ZNF254: variants seen among roughly 807,000 people sequenced by gnomAD.
ZNF254 encodes CTD-2017D11.1.
Under a neutral mutation model 12.4 loss-of-function variants are expected in ZNF254, and 10 were observed. The observed-to-expected ratio is 0.80, with a 90% CI of 0.50 to 1.36. ZNF254 has a LOEUF of 1.36. Among genes scored for constraint, ZNF254 ranks in the 40% most tolerant of loss-of-function variants. The pLI is 0.00. For missense variants in ZNF254, 996 were observed against 763.9 expected, an observed-to-expected ratio of 1.30 and a Z score of -3.58; for synonymous variants, 305 against 253.4, an observed-to-expected ratio of 1.20 and a Z score of -1.93.
At chr19:24,056,327 T>C (rs1174188607) in intron 2 of ZNF254, among the ~76,000 whole-genome samples, 1 of 152,170 alleles carries the variant, frequency 6.6e-6, no homozygotes, top group East Asian at 1.9e-4. Context: ...GACATATATT[T>C]CCATTCATTA....
At chr19:24,049,214 A>ATATATATATATATAT (rs1160333151) in intron 2 of ZNF254, among the ~76,000 whole-genome samples, 4 of 40,866 alleles carry the variant, frequency 9.8e-5, no homozygotes, top group Non-Finnish European at 1.6e-4. Context: ...ATATATATAT[A>ATATATATATATATAT]TTTTTTTTTT....
At chr19:24,090,853 T>C (rs1029618627) in intron 1 of ZNF254, among the ~76,000 whole-genome samples, 1 of 152,062 alleles carries the variant, frequency 6.6e-6, no homozygotes, top group African/African-American at 2.4e-5. Flanking sequence ...TAATAATATA[T>C]TTTATTTGTT....
In ZNF254 at chr19:24,129,170, A is replaced by G. The variant is rs1444801288; in HGVS notation, c.*1190A>G. ...ATGCATGAGGTAGGTGTTCAGAATA[A>G]TATTCCTCTGCATTATTATGAATGA... On this transcript the variant is annotated 3_prime_UTR_variant, in exon 4 of 4. Coordinates refer to ENST00000357002, the MANE Select transcript of ZNF254 (RefSeq NM_203282.4). 1 of 152,022 alleles carries G rather than the reference A, an allele frequency of 6.6e-6. No individual in the cohort carries two copies. Among genetic ancestry groups the G allele is most frequent in the East Asian group, 1.9e-4 (1 of 5,192 alleles). The allele number at this position is 152,022 out of a possible 1,614,324, so 9.4% of individuals were successfully genotyped here. A position where few individuals can be genotyped will look rare whatever the true frequency, so the allele number is the denominator to read the frequency against.
rs1447539218 is a variant in ZNF254, at chr19:24,128,907, A to G, written c.*927A>G. Reference sequence around the variant, plus strand: ...AAAGTACTTTTTTTTGAAAATACAGATTTTTTTTAAAAGTGAATAATGTGT... The same window carrying G: ...AAAGTACTTTTTTTTGAAAATACAGGTTTTTTTTAAAAGTGAATAATGTGT... On this transcript the variant is annotated 3_prime_UTR_variant, in exon 4 of 4. Coordinates refer to ENST00000357002, the MANE Select transcript of ZNF254 (RefSeq NM_203282.4). 2 of 151,918 alleles carry G rather than the reference A, an allele frequency of 1.3e-5. No individual in the cohort carries two copies. The highest frequency in any genetic ancestry group is 1.9e-4 in the East Asian group (1 of 5,186). 9.4% of individuals were successfully genotyped at this position (151,918 alleles called of 1,614,324 possible).
chr19:24,048,860 C>G (rs1970511418), intron 2 of ZNF254: 1 of 152,094 alleles, frequency 6.6e-6, no homozygotes, highest in African/African-American at 2.4e-5. Flanking sequence ...CACCCTGCTT[C>G]CTTAGTAACT....
intron 1 of ZNF254, among the ~76,000 whole-genome samples, chr19:24,045,851 T>C (rs1277842839): frequency 1.3e-5 from 2 of 151,814 alleles, no homozygotes; most frequent in Non-Finnish European, 2.9e-5. Context: ...TTTTAGAATG[T>C]CTCCTTGGGA....
In ZNF254 at chr19:24,061,320, TTCTG is replaced by T. The variant is rs376922605; in HGVS notation, c.-94+15045_-94+15048del. On this transcript the variant is annotated intron_variant, in intron 2 of 4. Transcript: ENST00000613065. ...AACCAGAACTTAGGTGATGTGACTC[TTCTG>T]TCTAACAACCACATATTTTGGTTAT... Among the ~76,000 whole-genome samples the T allele has an allele frequency of 8.2e-4, 125 of 152,372 alleles. 3 individuals are homozygous for T. The South Asian group carries it at 0.02, about 24-fold the overall frequency.
intron 1 of ZNF254, among the ~76,000 whole-genome samples, chr19:24,103,240 G>T (rs1277668229): frequency 1.3e-5 from 2 of 152,204 alleles, no homozygotes; most frequent in Non-Finnish European, 2.9e-5. Flanking sequence ...AGTGCTGAGT[G>T]TAAGGGGCTC....
intron 2 of ZNF254, among the ~76,000 whole-genome samples, chr19:24,047,245 C>T (rs566706603): frequency 3.9e-5 from 6 of 151,964 alleles, no homozygotes; most frequent in South Asian, 4.2e-4. Flanking sequence ...TTTCTCTCTT[C>T]CTTTTTTTTG....
At chr19:24,111,971 A>G (rs1391302927) in intron 3 of ZNF254, among the ~76,000 whole-genome samples, 2 of 151,692 alleles carry the variant, frequency 1.3e-5, no homozygotes, top group Non-Finnish European at 2.9e-5. Context: ...CCATTTCTCA[A>G]TTTTGGCTTT....
intron 3 of ZNF254, among the ~76,000 whole-genome samples, chr19:24,113,109 G>A (rs1973800279): frequency 6.6e-6 from 1 of 152,132 alleles, no homozygotes; most frequent in Non-Finnish European, 1.5e-5. Context: ...GGTGCAAGGA[G>A]GAACTGATAC....
chr19:24,117,039 G>A (rs1181230777), intron 3 of ZNF254, among the ~76,000 whole-genome samples: 1 of 152,132 alleles, frequency 6.6e-6, no homozygotes, highest in Non-Finnish European at 1.5e-5. Context: ...ACTGCTGTCT[G>A]ATCATTCTTC....
chr19:24,078,058 A>T (rs1971720838), intron 2 of ZNF254, among the ~76,000 whole-genome samples: 1 of 152,158 alleles, frequency 6.6e-6, no homozygotes, highest in African/African-American at 2.4e-5. Flanking sequence ...GTTTGTTTTG[A>T]GACGAAGTCT....
In ZNF254 at chr19:24,087,382, T is replaced by A. The variant is rs542264497; in HGVS notation, c.30+45T>A. ...ATCCCGAGAGAGGGGAGGGGGCTGG[T>A]TGGAACTGGTGGGAAGCGGCTGTGG... On this transcript the variant is annotated intron_variant, in intron 1 of 3. Coordinates refer to ENST00000357002, the MANE Select transcript of ZNF254 (RefSeq NM_203282.4). 74 of 1,612,170 alleles carry A rather than the reference T, an allele frequency of 4.6e-5. No individual in the cohort carries two copies. In the Middle Eastern group the frequency reaches 9.9e-4, roughly 22 times the overall value.
chr19:24,090,851 T>C (rs1302283700), intron 1 of ZNF254, among the ~76,000 whole-genome samples: 1 of 152,000 alleles, frequency 6.6e-6, no homozygotes, highest in Non-Finnish European at 1.5e-5. Flanking sequence ...TCTAATAATA[T>C]ATTTTATTTG....
In ZNF254 at chr19:24,127,266, T is replaced by C. The variant is rs1290099709; in HGVS notation, c.1266T>C (p.Thr422=). 1.2e-6 allele frequency: 2 copies of C among 1,613,278 alleles called. No homozygotes were observed. Among genetic ancestry groups the C allele is most frequent in the African/African-American group, 2.7e-5 (2 of 74,848 alleles). The part of the protein sequence containing the change: ...GKGFNRSSNL[T]THKIIHTGEK... ...GTTTTAATCGATCTTCAAATCTTAC[T>C]ACACATAAGATAATTCATACTGGAG... is the stretch of plus-strand genomic sequence containing the variant. The change falls in exon 4 of 4, where the codon ACT becomes ACC. Residue 422 remains threonine, a synonymous_variant. Coordinates refer to ENST00000357002, the MANE Select transcript of ZNF254 (RefSeq NM_203282.4).
chr19:24,089,393 A>G (rs1226598869), intron 1 of ZNF254, among the ~76,000 whole-genome samples: 3 of 152,200 alleles, frequency 2.0e-5, no homozygotes, highest in Non-Finnish European at 2.9e-5. Context: ...GTATTGTAAA[A>G]TATCTCTGCG....
intron 1 of ZNF254, among the ~76,000 whole-genome samples, chr19:24,094,641 G>T (rs1022311755): frequency 2.0e-5 from 3 of 151,804 alleles, no homozygotes; most frequent in Non-Finnish European, 2.9e-5. Context: ...TTGAGAGAAG[G>T]CATCTTTGCC....
In ZNF254 at chr19:24,058,274, G is replaced by A. The variant is rs375324328; in HGVS notation, c.-94+11995G>A. Among the ~76,000 whole-genome samples, 42 of 152,250 alleles carry A rather than the reference G, an allele frequency of 2.8e-4. 1 individual carries two copies. In the South Asian group the frequency reaches 8.3e-3, roughly 30 times the overall value. The stretch of plus-strand genomic sequence containing the variant: ...TTGGATTTAACCCACAGATGGAATC[G>A]TGACATATCGCTGCACCAGAAACTA... On this transcript the variant is annotated intron_variant, in intron 2 of 4. Transcript: ENST00000613065.
Sources: gnomAD v4.1 joint callset for allele counts (sites outside exome capture counted in the v4.1 genomes callset) on GRCh38, gnomAD v4.1.1 for gene constraint, MANE v1.5 for transcripts, NCBI Gene and HGNC (gene_info 2026-07-23, HGNC 2026-07-21) for gene names.